Variants in TSR1 observed in about 807,000 individuals in gnomAD.
The protein encoded by TSR1 is TSR1 ribosome maturation factor.
TSR1 carries 81 observed loss-of-function variants against 90.9 expected under a neutral mutation model. The observed-to-expected ratio is 0.89, with a 90% CI of 0.74 to 1.07. The LOEUF is 1.07. TSR1 is among the 50% of genes least tolerant of loss of function. The probability of loss-of-function intolerance (pLI) is 0.00; values close to 1 mark genes in which losing one functional copy is unlikely to be tolerated. For missense variants in TSR1, 989 were observed against 987.3 expected (o/e 1.00, Z -0.02); for synonymous variants, 362 against 348.8 (o/e 1.04, Z -0.42).
At position 2,326,193 on chromosome 17, in the gene TSR1, T is replaced by C. The variant is rs988514340; in HGVS notation, c.1904-773A>G. Among the ~76,000 whole-genome samples the C allele has an allele frequency of 5.3e-5, 8 of 151,970 alleles. No homozygotes were observed. The South Asian group carries it at 6.2e-4, about 12-fold the overall frequency. On this transcript the variant is annotated intron_variant, in intron 11 of 14. Coordinates refer to ENST00000301364, the MANE Select transcript of TSR1 (RefSeq NM_018128.5). ...ATACTAAACTTAAAGGAAAATAAAATATTTTAAGGCAAAGAAAAATTAATC... is the reference window on the plus strand; with the variant it reads ...ATACTAAACTTAAAGGAAAATAAAACATTTTAAGGCAAAGAAAAATTAATC...
rs2075546671 is a variant in TSR1 at position 2,323,055 on chromosome 17, A to G, written c.*1141T>C. Reference sequence around the variant, plus strand: ...GTTGGGATTACAGGTGTGAGCCACCACACCAGGCCCATATTTTCTTTTAGA... The same window carrying G: ...GTTGGGATTACAGGTGTGAGCCACCGCACCAGGCCCATATTTTCTTTTAGA... On this transcript the variant is annotated 3_prime_UTR_variant, in exon 15 of 15. Transcript: ENST00000301364. 6.9e-7 allele frequency: 1 copy of G among 1,447,270 alleles called. No homozygotes were observed. Among genetic ancestry groups the G allele is most frequent in the African/African-American group, 1.4e-5 (1 of 71,504 alleles). The allele number at this position is 1,447,270 out of a possible 1,614,324, so 89.7% of individuals were successfully genotyped here.
intron 6 of TSR1, chr17:2,333,342 G>T: frequency 1.2e-6 from 1 of 860,976 alleles, no homozygotes; most frequent in Non-Finnish European, 1.9e-6. Flanking sequence ...TTGTTTATCT[G>T]TTCATGATAA....
chr17:2,329,895 G>GA (rs2075595035), intron 10 of TSR1, among the ~76,000 whole-genome samples: 1 of 151,066 alleles, frequency 6.6e-6, no homozygotes, highest in Admixed American at 6.6e-5. Flanking sequence ...GCCACCAAGA[G>GA]AAAAGAGATC....
Position 2,330,586 on chromosome 17 carries a change from C to G in TSR1, c.1699G>C (p.Val567Leu). The G allele has an allele frequency of 6.2e-7, 1 of 1,613,880 alleles. No individual in the cohort carries two copies. Among genetic ancestry groups the G allele is most frequent in the Non-Finnish European group, 8.5e-7 (1 of 1,179,958 alleles). The change falls in exon 10 of 15, where the codon GTC becomes CTC. Residue 567 changes from valine to leucine, a missense_variant. Transcript: ENST00000301364. ...TGCCTGAAGCACTCGACCACTGAGA[C>G]GGGGACTTCAGAGACATGAAGTGTG... The part of the protein sequence containing the change: ...YVTLHVSEVP[V>L]SVVECFRQGT...
intron 11 of TSR1, among the ~76,000 whole-genome samples, chr17:2,328,785 G>A (rs1180641427): frequency 2.0e-5 from 3 of 150,532 alleles, no homozygotes; most frequent in Non-Finnish European, 3.0e-5. Flanking sequence ...GCATGGTGGC[G>A]GGCGCCTGTA....
chr17:2,335,918 C>A, intron 2 of TSR1, 119 bp downstream of exon 2: 2 of 1,265,154 alleles, frequency 1.6e-6, no homozygotes, highest in South Asian at 2.6e-5. Flanking sequence ...ACGCTCGACA[C>A]GTGCTCTAGG....
intron 11 of TSR1, among the ~76,000 whole-genome samples, chr17:2,325,890 C>T (rs543381215): frequency 4.7e-4 from 72 of 152,150 alleles, no homozygotes; most frequent in Non-Finnish European, 8.1e-4. Flanking sequence ...GGATTACAGG[C>T]GTGAGCCACC....
In TSR1 at chr17:2,323,639, C is replaced by G. The variant is rs558698941; in HGVS notation, c.*557G>C. 6.3e-4 allele frequency: 1,009 copies of G among 1,612,536 alleles called. 14 individuals are homozygous for G. The South Asian group carries it at 0.011, about 17-fold the overall frequency. On this transcript the variant is annotated 3_prime_UTR_variant, in exon 15 of 15. Coordinates refer to ENST00000301364, the MANE Select transcript of TSR1 (RefSeq NM_018128.5). ...ACTCCCCTTTCACTAATTCCTACTC[C>G]CTTCCATATCAACAGTGTGCAACCC...
In TSR1 at chr17:2,322,645, TGCCTGCCACCA is replaced by T. The variant is rs1264425442; in HGVS notation, c.*1540_*1550del. On this transcript the variant is annotated 3_prime_UTR_variant, in exon 15 of 15. Transcript: ENST00000301364. Reference sequence around the variant, plus strand: ...CCTCCCGAGTAGCTGGGACTACAGGTGCCTGCCACCATGCCTGGCTAGTTTTTTTTTGTTTT... The same window carrying T: ...CCTCCCGAGTAGCTGGGACTACAGGTTGCCTGGCTAGTTTTTTTTTGTTTT... 6.4e-6 allele frequency: 1 copy of T among 156,580 alleles called. No homozygotes were observed. Among genetic ancestry groups the T allele is most frequent in the Non-Finnish European group, 1.4e-5 (1 of 71,414 alleles). 9.7% of individuals were successfully genotyped at this position (156,580 alleles called of 1,614,324 possible).
At position 2,322,768 on chromosome 17, in the gene TSR1, G is replaced by A. The variant is rs1025544919; in HGVS notation, c.*1428C>T. 2.2e-5 allele frequency: 5 copies of A among 229,676 alleles called. No homozygotes were observed. The highest frequency in any genetic ancestry group is 3.5e-5 in the Non-Finnish European group (4 of 114,928). 14.2% of individuals were successfully genotyped at this position (229,676 alleles called of 1,614,324 possible). ...CCCTACCTCGTGATCCGCCCACCTCGGCCTCCCAAAGTGCTGGGATTACAG... is the reference window on the plus strand; with the variant it reads ...CCCTACCTCGTGATCCGCCCACCTCAGCCTCCCAAAGTGCTGGGATTACAG... On this transcript the variant is annotated 3_prime_UTR_variant, in exon 15 of 15. Transcript: ENST00000301364.
chr17:2,329,623 G>A (rs915513951), intron 10 of TSR1, 148 bp from the exon 11 acceptor site: 10 of 986,214 alleles, frequency 1.0e-5, no homozygotes, highest in African/African-American at 1.6e-5. Context: ...GCTGAAACAC[G>A]GGTTCATCCT....
chr17:2,332,847 AAT>A, intron 7 of TSR1, 112 bp downstream of exon 7: 3 of 1,108,614 alleles, frequency 2.7e-6, no homozygotes, highest in Non-Finnish European at 3.8e-6. Context: ...ATAAAAAAAA[AAT>A]AAAAAAAATA....
chr17:2,333,102 C>T lies in TSR1; in HGVS notation c.1164G>A (p.Lys388=). The change falls in exon 7 of 15, where the codon AAG becomes AAA. Residue 388 remains lysine (K), a synonymous_variant. Coordinates refer to ENST00000301364, the MANE Select transcript of TSR1 (RefSeq NM_018128.5). ...EAKDFLKESS[K]VVKKVPKGTS... is the part of the protein sequence containing the mutation. ...TTCCTTTGGGGACCTTCTTTACCACCTTAGAACTTTCCTTCAAGAAATCTG... is the reference window on the plus strand; with the variant it reads ...TTCCTTTGGGGACCTTCTTTACCACTTTAGAACTTTCCTTCAAGAAATCTG... 6.2e-7 allele frequency: 1 copy of T among 1,613,504 alleles called. No homozygotes were observed. Among genetic ancestry groups the T allele is most frequent in the South Asian group, 1.1e-5 (1 of 90,940 alleles).
chr17:2,325,180 GTA>G (rs759848419), intron 12 of TSR1, 122 bp downstream of exon 12: 31 of 736,474 alleles, frequency 4.2e-5, no homozygotes, highest in South Asian at 5.8e-5. Context: ...AAGACTTACT[GTA>G]TTTTGAAAAC....
rs781449439 is a variant in TSR1, at chr17:2,334,542, G to A, written c.911C>T (p.Ala304Val). The A allele has an allele frequency of 1.9e-6, 3 of 1,614,114 alleles. No individual in the cohort carries two copies. The highest frequency in any genetic ancestry group is 2.2e-5 in the East Asian group (1 of 44,880). The change falls in exon 5 of 15, where the codon GCC becomes GTC. Residue 304 changes from alanine to valine, a missense_variant. Transcript: ENST00000301364. ...YGDFQMKQIDAPGDPFPLNPR... is the reference protein window; with the variant it reads ...YGDFQMKQIDVPGDPFPLNPR... Reference sequence around the variant, plus strand: ...ATTTAAAGGGAAAGGGTCTCCGGGGGCATCTATCTGTTTCATCTGGAAATC... The same window carrying A: ...ATTTAAAGGGAAAGGGTCTCCGGGGACATCTATCTGTTTCATCTGGAAATC...
chr17:2,327,137 C>T (rs1376135046), intron 11 of TSR1, among the ~76,000 whole-genome samples: 6 of 150,928 alleles, frequency 4.0e-5, no homozygotes, highest in Non-Finnish European at 7.4e-5. Flanking sequence ...TCGTAGAGGC[C>T]GGGCATGTTG....
In TSR1 at chr17:2,324,371, G is replaced by A; in HGVS notation, c.2240C>T (p.Thr747Ile). The A allele has an allele frequency of 6.4e-7, 1 of 1,574,010 alleles. No individual in the cohort carries two copies. The part of the protein sequence containing the change: ...RRGHIKEPLG[T>I]HGHMKCSFDG... ...AAAGCTGCATTTCATGTGGCCATGG[G>A]TACCTAGAAAGACATCAGAACAAGT... Residue 747 changes from threonine to isoleucine, a missense_variant, in exon 15 of 15, where the codon ACC becomes ATC. By Grantham distance (89) the Thr-to-Ile change is moderately conservative. Transcript: ENST00000301364.
chr17:2,329,433 T>C lies in TSR1; in HGVS notation c.1813A>G (p.Thr605Ala), dbSNP rs777570381. 1 of 1,614,140 alleles carries C rather than the reference T, an allele frequency of 6.2e-7. No homozygotes were observed. Among genetic ancestry groups the C allele is most frequent in the Non-Finnish European group, 8.5e-7 (1 of 1,180,032 alleles). Reference protein sequence around the residue: ...NMVVRRDPGNTEPVKAKEELI... With the variant: ...NMVVRRDPGNAEPVKAKEELI... ...TCTTCCTTGGCTTTCACAGGTTCAG[T>C]GTTGCCAGGGTCACGCCTCACCACC... is the stretch of plus-strand genomic sequence containing the variant. Residue 605 changes from threonine (T) to alanine (A), a missense_variant, in exon 11 of 15, where the codon ACT becomes GCT. Thr to Ala is a moderately conservative substitution (Grantham distance 58). Coordinates refer to ENST00000301364, the MANE Select transcript of TSR1 (RefSeq NM_018128.5).
intron 5 of TSR1, 51 bp downstream of exon 5, chr17:2,334,421 C>T: frequency 1.3e-6 from 2 of 1,569,752 alleles, no homozygotes; most frequent in South Asian, 1.2e-5. Context: ...ATTTAAGTTT[C>T]CTTCCTGTGC....
Sources: gnomAD v4.1 joint callset for allele counts (sites outside exome capture counted in the v4.1 genomes callset) on GRCh38, gnomAD v4.1.1 for gene constraint, MANE v1.5 for transcripts, NCBI Gene and HGNC (gene_info 2026-07-23, HGNC 2026-07-21) for gene names.